Variants in PCDHGA2 observed in about 807,000 individuals in gnomAD.
PCDHGA2 encodes protocadherin gamma subfamily A, 2, also known as protocadherin gamma-A2.
In PCDHGA2, 40 loss-of-function variants were observed where a neutral mutation model predicts 59.2. That is an observed-to-expected ratio of 0.68 (90% CI 0.52 to 0.88). The LOEUF (loss-of-function observed/expected upper bound fraction) is 0.88. Ranked by LOEUF, PCDHGA2 falls within the 40% of genes least tolerant of loss-of-function variation. The probability of loss-of-function intolerance (pLI) is 0.00; values close to 1 mark genes in which losing one functional copy is unlikely to be tolerated. For synonymous variants in PCDHGA2, 560 were observed against 526.0 expected (o/e 1.06, Z -0.89); for missense variants, 1,226 against 1,204.0 (o/e 1.02, Z -0.27).
chr5:141,383,193 G>A, intron 1 of PCDHGA2: 2 of 1,614,066 alleles, frequency 1.2e-6, no homozygotes, highest in Non-Finnish European at 1.7e-6. Flanking sequence ...TCTGCGCTCA[G>A]AGTGCGCGGT....
rs1354360582 is a variant in PCDHGA2 at position 141,491,147 on chromosome 5, A to T, written c.2425-3660A>T. On this transcript the variant is annotated intron_variant, in intron 1 of 3. Transcript: ENST00000394576. The surrounding 1 kb of genome is among the most constrained non-coding windows in gnomAD (Gnocchi z 6.9). ...GTGCGCACAGCCCGGGCCTTACTGG[A>T]GGATGACTCTGACACCCAGCAGGTG... The T allele has an allele frequency of 1.9e-6, 3 of 1,613,980 alleles. No homozygotes were observed. The highest frequency in any genetic ancestry group is 2.5e-6 in the Non-Finnish European group (3 of 1,179,994).
At chr5:141,362,777 T>C in intron 1 of PCDHGA2, 1 of 604,080 alleles carries the variant, frequency 1.7e-6, no homozygotes, top group Non-Finnish European at 2.8e-6. Flanking sequence ...TATTGCACTG[T>C]ATTTCTTTTT....
chr5:141,365,990 G>A, intron 1 of PCDHGA2: 1 of 1,614,216 alleles, frequency 6.2e-7, no homozygotes, highest in Non-Finnish European at 8.5e-7. Flanking sequence ...GTTTGTGCTG[G>A]ACCAGAACGA....
At chr5:141,427,637 C>T (rs771573587) in intron 1 of PCDHGA2, 5 of 707,806 alleles carry the variant, frequency 7.1e-6, no homozygotes, top group Non-Finnish European at 1.3e-5. Context: ...CGGTTTTCCA[C>T]CAAGTCTCCT....
At position 141,489,505 on chromosome 5, in the gene PCDHGA2, A is replaced by G. The variant is rs1198371307; in HGVS notation, c.2425-5302A>G. On this transcript the variant is annotated intron_variant, in intron 1 of 3. Transcript: ENST00000394576. The surrounding 1 kb of genome is among the most constrained non-coding windows in gnomAD (Gnocchi z 4.5). ...GAGTGGTGCCCTGGCAGTGAATCAA[A>G]AGATTGACCGAGAAAGCCTATGTGG... The G allele has an allele frequency of 1.9e-6, 3 of 1,613,972 alleles. No homozygotes were observed. The Admixed American group carries it at 5.0e-5, about 27-fold the overall frequency.
chr5:141,409,180 T>C (rs2095236494), intron 1 of PCDHGA2: 1 of 1,613,848 alleles, frequency 6.2e-7, no homozygotes, highest in Non-Finnish European at 8.5e-7. Flanking sequence ...ACGGAGGTGG[T>C]CTCTCTACCC....
chr5:141,394,802 C>A, intron 1 of PCDHGA2: 1 of 1,613,810 alleles, frequency 6.2e-7, no homozygotes, highest in East Asian at 2.2e-5. Context: ...TCACCGTAGC[C>A]GTGGCTGACA....
intron 1 of PCDHGA2, chr5:141,404,534 T>A: frequency 6.2e-7 from 1 of 1,613,954 alleles, no homozygotes; most frequent in Non-Finnish European, 8.5e-7. Context: ...GTTTAGAGAT[T>A]TGCAAATGCA....
intron 1 of PCDHGA2, chr5:141,424,500 G>A (rs2154550788): frequency 6.6e-6 from 1 of 152,208 alleles, no homozygotes; most frequent in African/African-American, 2.4e-5. Flanking sequence ...TGTATGTATG[G>A]AAGGTTTTTT....
intron 1 of PCDHGA2, among the ~76,000 whole-genome samples, chr5:141,424,873 A>G (rs549945556): frequency 3.9e-5 from 6 of 152,198 alleles, no homozygotes; most frequent in Non-Finnish European, 8.8e-5. Context: ...CAAATGAGGA[A>G]AGGAGACTTA....
At chr5:141,350,118 T>G (rs1022914311) in intron 1 of PCDHGA2, 6 of 585,650 alleles carry the variant, frequency 1.0e-5, no homozygotes, top group African/African-American at 9.5e-5. Context: ...CTTTGTCCGG[T>G]GCACTGAGCA....
At chr5:141,422,888 T>C in intron 1 of PCDHGA2, 2 of 1,614,262 alleles carry the variant, frequency 1.2e-6, no homozygotes, top group South Asian at 2.2e-5. Flanking sequence ...CTGTTCGTGC[T>C]GGACCAGAAC....
At chr5:141,391,107 T>C (rs1225302584) in intron 1 of PCDHGA2, 1 of 152,098 alleles carries the variant, frequency 6.6e-6, no homozygotes, top group African/African-American at 2.4e-5. Context: ...CCTAAACTAA[T>C]ATAGCTAGAG....
At chr5:141,422,850 G>T (rs184432819) in intron 1 of PCDHGA2, 7 of 1,614,086 alleles carry the variant, frequency 4.3e-6, no homozygotes, top group Non-Finnish European at 5.9e-6. Context: ...GCGGGGACCC[G>T]CCCCTCAGCA....
At chr5:141,394,754 G>T (rs753264235) in intron 1 of PCDHGA2, 2 of 1,613,428 alleles carry the variant, frequency 1.2e-6, no homozygotes, top group Non-Finnish European at 1.7e-6. Context: ...TGGCCGTCCA[G>T]GACCATGGCC....
chr5:141,472,529 G>C lies in PCDHGA2; in HGVS notation c.2425-22278G>C, dbSNP rs553065027. 9.3e-5 allele frequency among the ~76,000 whole-genome samples: 14 copies of C among 151,058 alleles called. No individual in the cohort carries two copies. In the East Asian group the frequency reaches 2.6e-3, roughly 28 times the overall value. ...CACTCCAGCCTGGGTGACAGAGTGA[G>C]ACACCATCTCAAGAAAAAAAAAATT... On this transcript the variant is annotated intron_variant, in intron 1 of 3. Transcript: ENST00000394576.
At position 141,430,859 on chromosome 5, in the gene PCDHGA2, T is replaced by G. The variant is rs770543752; in HGVS notation, c.2425-63948T>G. The stretch of plus-strand genomic sequence containing the variant: ...GACCGGATGCACCCAGATACGCTAT[T>G]CAGTTCCGGAAGAGCTGGAGAAAGG... On this transcript the variant is annotated intron_variant, in intron 1 of 3. Transcript: ENST00000394576. 5.0e-6 allele frequency: 8 copies of G among 1,592,398 alleles called. No homozygotes were observed. The East Asian group carries it at 1.6e-4, about 31-fold the overall frequency.
rs1561858566 is a variant in PCDHGA2 at position 141,432,177 on chromosome 5, C to G, written c.2425-62630C>G. ...AATCCCAGAGGAGTTTCCCTCGTCTCTGTGACCGCCCACGACCCCGACTGT... is the reference window on the plus strand; with the variant it reads ...AATCCCAGAGGAGTTTCCCTCGTCTGTGTGACCGCCCACGACCCCGACTGT... On this transcript the variant is annotated intron_variant, in intron 1 of 3. Transcript: ENST00000394576. This position sits in a 1 kb window ranked among gnomAD's most constrained non-coding sequence, Gnocchi z 6.0. The G allele has an allele frequency of 6.2e-7, 1 of 1,614,220 alleles. No homozygotes were observed. Among genetic ancestry groups the G allele is most frequent in the Admixed American group, 1.7e-5 (1 of 60,032 alleles).
At chr5:141,372,209 C>T (rs1768496951) in intron 1 of PCDHGA2, 2 of 1,613,638 alleles carry the variant, frequency 1.2e-6, no homozygotes, top group Non-Finnish European at 1.7e-6. Context: ...CCTGGCTGTC[C>T]TACCACATTG....
Sources: allele counts gnomAD v4.1 joint callset (sites outside exome capture counted in the v4.1 genomes callset), GRCh38; gene constraint gnomAD v4.1.1; non-coding constraint Gnocchi (gnomAD v3.1); transcripts MANE v1.5; gene names NCBI Gene and HGNC (gene_info 2026-07-23, HGNC 2026-07-21).